The following DMD variants were observed in gnomAD, a reference collection of about 807,000 sequenced individuals.
DMD encodes the protein mutant dystrophin.
A neutral mutation model predicts 330.1 loss-of-function variants in DMD; 63 were observed. The observed-to-expected ratio is 0.19, with a 90% CI of 0.16 to 0.24. The LOEUF (loss-of-function observed/expected upper bound fraction) is 0.24, where lower values mean the gene tolerates loss of function less well. Among genes scored for constraint, DMD ranks in the 10% least tolerant of loss-of-function variants. The pLI is 1.00. For missense variants in DMD, 3,344 were observed against 2,684.1 expected (o/e 1.25, Z -5.43); for synonymous variants, 1,223 against 959.8 (o/e 1.27, Z -5.07).
At chrX:32,905,823 T>TAA (rs1279067991) in intron 2 of DMD, among the ~76,000 whole-genome samples, 1 of 111,251 alleles carries the variant, frequency 9.0e-6, no homozygotes, top group Non-Finnish European at 1.9e-5. Context: ...ACATCCCTGG[T>TAA]CTCTACCCAC....
At chrX:31,217,959 G>T (rs771849894) in intron 64 of DMD, among the ~76,000 whole-genome samples, 2 of 112,062 alleles carry the variant, frequency 1.8e-5, no homozygotes, top group East Asian at 5.6e-4. Context: ...AAAATTTAAA[G>T]AAATTATTCT....
At chrX:31,484,276 T>C (rs2068618466) in intron 57 of DMD, among the ~76,000 whole-genome samples, 1 of 111,980 alleles carries the variant, frequency 8.9e-6, no homozygotes, top group Admixed American at 9.5e-5. Context: ...TGGTTAATAT[T>C]TTAAACCAGA....
chrX:33,220,132 C>G (rs2052146138), intron 1 of DMD, among the ~76,000 whole-genome samples: 1 of 111,642 alleles, frequency 9.0e-6, no homozygotes, highest in Admixed American at 9.5e-5. Flanking sequence ...CCCTTGCCCT[C>G]TGATGTCCAG....
At chrX:32,181,694 G>T (rs954954391) in intron 44 of DMD, among the ~76,000 whole-genome samples, 13 of 111,304 alleles carry the variant, frequency 1.2e-4, no homozygotes, top group Middle Eastern at 9.4e-3. Flanking sequence ...CAGATCTACA[G>T]TGGAATAGGG....
chrX:32,273,526 T>C (rs1050288834), intron 43 of DMD, among the ~76,000 whole-genome samples: 8 of 110,181 alleles, frequency 7.3e-5, no homozygotes, highest in African/African-American at 2.6e-4. Flanking sequence ...GACTGAACAG[T>C]TTTTAGCAGA....
chrX:31,804,236 T>G (rs1027760894), intron 50 of DMD, among the ~76,000 whole-genome samples: 3 of 111,646 alleles, frequency 2.7e-5, no homozygotes, highest in Non-Finnish European at 3.8e-5. Context: ...TAGTAATTTC[T>G]ACCACGGTCT....
At chrX:32,191,135 T>C (rs1427033763) in intron 44 of DMD, among the ~76,000 whole-genome samples, 1 of 111,606 alleles carries the variant, frequency 9.0e-6, no homozygotes, top group Non-Finnish European at 1.9e-5. Flanking sequence ...CAGTTCCTGC[T>C]TTTGAAAGTT....
intron 63 of DMD, among the ~76,000 whole-genome samples, chrX:31,246,931 G>GA (rs375712431): frequency 0.044 from 4,415 of 99,840 alleles, 276 homozygotes; most frequent in African/African-American, 0.15. Flanking sequence ...GTCTTGGAAG[G>GA]AAAAAAAAAA....
chrX:32,475,486 C>A (rs141164981), intron 21 of DMD, among the ~76,000 whole-genome samples: 1 of 111,613 alleles, frequency 9.0e-6, no homozygotes, highest in Non-Finnish European at 1.9e-5. Flanking sequence ...CCATCCACGA[C>A]TATGGGATGT....
At chrX:32,378,965 T>A (rs1342824972) in intron 34 of DMD, among the ~76,000 whole-genome samples, 2 of 109,715 alleles carry the variant, frequency 1.8e-5, no homozygotes, top group Admixed American at 2.0e-4. Context: ...TGTGACTGGC[T>A]TAGATCTGCA....
At chrX:31,807,839 C>T (rs2092339707) in intron 50 of DMD, among the ~76,000 whole-genome samples, 1 of 111,754 alleles carries the variant, frequency 8.9e-6, no homozygotes, top group African/African-American at 3.3e-5. Context: ...GACCAAGATT[C>T]AGTATGTTTA....
At chrX:31,676,604 G>A (rs924084566) in intron 53 of DMD, among the ~76,000 whole-genome samples, 4 of 111,348 alleles carry the variant, frequency 3.6e-5, no homozygotes, top group African/African-American at 9.8e-5. Flanking sequence ...TTTTAGCCAC[G>A]TAGACAATTG....
chrX:31,684,772 G>C (rs1021790324), intron 52 of DMD, among the ~76,000 whole-genome samples: 2 of 112,139 alleles, frequency 1.8e-5, no homozygotes, highest in South Asian at 7.4e-4. Flanking sequence ...AGGAAAACTA[G>C]AATCTGGTCA....
intron 7 of DMD, among the ~76,000 whole-genome samples, chrX:32,781,099 C>T (rs999375851): frequency 1.0e-5 from 1 of 97,787 alleles, no homozygotes; most frequent in Non-Finnish European, 2.0e-5. Flanking sequence ...GCCTGGGCGA[C>T]GGAGCGAGCC....
At chrX:32,753,873 C>T (rs752651871) in intron 7 of DMD, among the ~76,000 whole-genome samples, 1 of 111,497 alleles carries the variant, frequency 9.0e-6, no homozygotes, top group African/African-American at 3.3e-5. Context: ...GTTGGTGTTA[C>T]ATAACAAGCC....
intron 64 of DMD, among the ~76,000 whole-genome samples, chrX:31,210,608 A>C (rs1021482850): frequency 3.6e-5 from 4 of 112,255 alleles, no homozygotes; most frequent in Non-Finnish European, 5.6e-5. Flanking sequence ...TATACACCTA[A>C]GCTCTGGTTG....
chrX:32,700,051 A>C (rs2063976452), intron 7 of DMD, among the ~76,000 whole-genome samples: 1 of 111,500 alleles, frequency 9.0e-6, no homozygotes, highest in African/African-American at 3.2e-5. Context: ...GTAATAACAC[A>C]TATAAAGTGG....
chrX:32,165,434 C>G (rs1259273198), intron 44 of DMD, among the ~76,000 whole-genome samples: 5 of 112,531 alleles, frequency 4.4e-5, no homozygotes, highest in African/African-American at 6.5e-5. Context: ...GGCTTGGGGC[C>G]TGTAGCCCCT....
chrX:32,278,528 G>A (rs1021213001), intron 43 of DMD, among the ~76,000 whole-genome samples: 3 of 110,679 alleles, frequency 2.7e-5, no homozygotes, highest in Admixed American at 9.7e-5. Context: ...TCAAACAAAC[G>A]TACAAGAAAA....
Sources: allele counts gnomAD v4.1 joint callset (sites outside exome capture counted in the v4.1 genomes callset), GRCh38; gene constraint gnomAD v4.1.1; transcripts MANE v1.5; gene names NCBI Gene and HGNC (gene_info 2026-07-23, HGNC 2026-07-21).